Variants in FARS2 observed in about 807,000 individuals in gnomAD.
FARS2 encodes phenylalanine--tRNA ligase, mitochondrial.
In FARS2, 40 loss-of-function variants were observed where a neutral mutation model predicts 46.4. The ratio of observed to expected loss-of-function variants is 0.86; its 90% CI spans 0.67 to 1.12. FARS2 has a LOEUF of 1.12. FARS2 is among the 50% of genes most tolerant of loss of function. FARS2 has a pLI of 0.00. For missense variants in FARS2, 513 were observed against 567.9 expected (o/e 0.90, Z 0.98); for synonymous variants, 234 against 214.9 (o/e 1.09, Z -0.78).
At chr6:5,465,742 T>A (rs541074639) in intron 4 of FARS2, among the ~76,000 whole-genome samples, 51 of 152,128 alleles carry the variant, frequency 3.4e-4, no homozygotes, top group Non-Finnish European at 5.6e-4. Context: ...TTTCTTTCAA[T>A]AAATGGAGGC....
chr6:5,330,404 C>T (rs534556307), intron 1 of FARS2, among the ~76,000 whole-genome samples: 46 of 152,226 alleles, frequency 3.0e-4, no homozygotes, highest in African/African-American at 9.6e-4. Flanking sequence ...CATCATTTGG[C>T]TCAGTGTTAT....
chr6:5,260,654 T>C (rs1255079650), upstream of FARS2: 19 of 1,438,558 alleles, frequency 1.3e-5, no homozygotes, highest in African/African-American at 2.9e-5. Context: ...TCACCTGTAA[T>C]TGTAGGCGCT....
At chr6:5,625,940 G>A (rs1776010398) in intron 6 of FARS2, among the ~76,000 whole-genome samples, 1 of 152,202 alleles carries the variant, frequency 6.6e-6, no homozygotes, top group Non-Finnish European at 1.5e-5. Flanking sequence ...GCATCCAGCA[G>A]GTCTTTACAG....
At chr6:5,387,503 C>T (rs151071072) in intron 2 of FARS2, among the ~76,000 whole-genome samples, 19 of 152,266 alleles carry the variant, frequency 1.2e-4, no homozygotes, top group African/African-American at 3.4e-4. Context: ...TTGAAAGTAG[C>T]GTGGGAGGGA....
chr6:5,701,639 T>C (rs193272317), intron 6 of FARS2, among the ~76,000 whole-genome samples: 5 of 152,328 alleles, frequency 3.3e-5, no homozygotes, highest in Admixed American at 2.0e-4. Flanking sequence ...GGCAGGACTT[T>C]TGTTTTTCAT....
chr6:5,606,339 T>G (rs1774834804), intron 5 of FARS2, among the ~76,000 whole-genome samples: 1 of 151,864 alleles, frequency 6.6e-6, no homozygotes, highest in Admixed American at 6.6e-5. Flanking sequence ...GACAGCAGAC[T>G]CGTCACCATT....
intron 6 of FARS2, among the ~76,000 whole-genome samples, chr6:5,741,569 C>CTGTGGGGG (rs1761344664): frequency 6.6e-6 from 1 of 152,238 alleles, no homozygotes; most frequent in East Asian, 1.9e-4. Context: ...GGGTCTATAA[C>CTGTGGGGG]CCCTGTGGGT....
At chr6:5,447,211 G>A (rs1048875831) in intron 4 of FARS2, among the ~76,000 whole-genome samples, 3 of 152,138 alleles carry the variant, frequency 2.0e-5, no homozygotes, top group Non-Finnish European at 4.4e-5. Context: ...AAATGATGAG[G>A]GCAGGAGCTG....
upstream of FARS2, chr6:5,260,880 G>C (rs941066493): frequency 1.4e-6 from 2 of 1,428,098 alleles, no homozygotes; most frequent in South Asian, 1.5e-5. Flanking sequence ...AAGCCTAAGC[G>C]GGCAGCCCTG....
chr6:5,463,218 C>T (rs559941176), intron 4 of FARS2, among the ~76,000 whole-genome samples: 19 of 152,258 alleles, frequency 1.2e-4, no homozygotes, highest in Admixed American at 5.9e-4. Context: ...TTCTTCTTAA[C>T]GATATTGTGA....
At chr6:5,735,997 C>T (rs1760920812) in intron 6 of FARS2, among the ~76,000 whole-genome samples, 1 of 152,210 alleles carries the variant, frequency 6.6e-6, no homozygotes, top group Admixed American at 6.5e-5. Context: ...ATGAATTACC[C>T]CCCAAAACAG....
At chr6:5,525,543 G>T (rs554284804) in intron 4 of FARS2, among the ~76,000 whole-genome samples, 1 of 152,310 alleles carries the variant, frequency 6.6e-6, no homozygotes, top group African/African-American at 2.4e-5. Flanking sequence ...CTTCATAAGG[G>T]ATGTGCCCTC....
chr6:5,306,225 C>T (rs567289269), intron 1 of FARS2, among the ~76,000 whole-genome samples: 1 of 152,260 alleles, frequency 6.6e-6, no homozygotes, highest in East Asian at 1.9e-4. Flanking sequence ...ACCCCTCACC[C>T]CCAATCTGAT....
In FARS2 at chr6:5,434,921, A is replaced by T. The variant is rs147966153; in HGVS notation, c.904+3749A>T. 5.2e-4 allele frequency among the ~76,000 whole-genome samples: 79 copies of T among 152,332 alleles called. 1 individual carries two copies. Among genetic ancestry groups the T allele is most frequent in the African/African-American group, 1.9e-3 (78 of 41,582 alleles). ...AAATAACCAGAAAACAAAGAAACTG[A>T]TGGAGCAATGATAGTGGCAGACATC... On this transcript the variant is annotated intron_variant, in intron 4 of 6. Transcript: ENST00000274680.
intron 1 of FARS2, among the ~76,000 whole-genome samples, chr6:5,341,215 ATATATATATATATATATATATTTTTTT>A (rs1239686275): frequency 3.6e-4 from 3 of 8,422 alleles, no homozygotes; most frequent in African/African-American, 1.4e-3. Context: ...ATATATATAT[ATATATATATATATATATATATTTTTTT>A]TTTTTTTTTT....
At chr6:5,635,525 A>G (rs913084122) in intron 6 of FARS2, among the ~76,000 whole-genome samples, 7 of 152,218 alleles carry the variant, frequency 4.6e-5, no homozygotes, top group Non-Finnish European at 7.3e-5. Context: ...TAAGGAAAAA[A>G]GTTGCAATAT....
intron 6 of FARS2, among the ~76,000 whole-genome samples, chr6:5,743,873 C>G (rs559703466): frequency 6.6e-6 from 1 of 152,346 alleles, no homozygotes; most frequent in East Asian, 1.9e-4. Flanking sequence ...CTCTATTACA[C>G]AGTAATAGTT....
chr6:5,709,458 G>A (rs1430336491), intron 6 of FARS2, among the ~76,000 whole-genome samples: 5 of 152,150 alleles, frequency 3.3e-5, no homozygotes, highest in African/African-American at 7.2e-5. Context: ...GAACTCTGAT[G>A]TACACAGTGA....
intron 1 of FARS2, among the ~76,000 whole-genome samples, chr6:5,365,317 C>CTTTTTT (rs61097603): frequency 0.014 from 577 of 42,506 alleles, 183 homozygotes; most frequent in African/African-American, 0.028. Context: ...AGTATACTTT[C>CTTTTTT]TTTTTTTTTT....
Sources: gnomAD v4.1 joint callset for allele counts (sites outside exome capture counted in the v4.1 genomes callset) on GRCh38, gnomAD v4.1.1 for gene constraint, MANE v1.5 for transcripts, NCBI Gene and HGNC (gene_info 2026-07-23, HGNC 2026-07-21) for gene names.